Variants in CSMD1 observed in about 807,000 individuals in gnomAD.
The protein encoded by CSMD1 is CUB and Sushi multiple domains 1.
In CSMD1, 213 loss-of-function variants were observed where a neutral mutation model predicts 417.5. The observed-to-expected ratio is 0.51, with a 90% CI of 0.46 to 0.57. The LOEUF is 0.57. Ranked by LOEUF, CSMD1 falls within the 20% of genes least tolerant of loss-of-function variation. CSMD1 has a pLI of 0.00. For synonymous variants in CSMD1, 2,862 were observed against 1,736.8 expected, an observed-to-expected ratio of 1.65 and a Z score of -16.11; for missense variants, 6,923 against 4,529.7, an observed-to-expected ratio of 1.53 and a Z score of -15.17.
At chr8:4,757,379 A>T (rs1028223218) in intron 1 of CSMD1, among the ~76,000 whole-genome samples, 3 of 152,190 alleles carry the variant, frequency 2.0e-5, no homozygotes, top group Non-Finnish European at 2.9e-5. Flanking sequence ...AGATGATTCA[A>T]TATACACAAA....
At chr8:4,101,570 T>G (rs954295481) in intron 3 of CSMD1, among the ~76,000 whole-genome samples, 3 of 152,170 alleles carry the variant, frequency 2.0e-5, no homozygotes, top group African/African-American at 7.2e-5. Flanking sequence ...GTTTCTTAAT[T>G]TTACAGAAGT....
At chr8:4,434,385 G>C (rs1798036345) in intron 2 of CSMD1, among the ~76,000 whole-genome samples, 1 of 152,110 alleles carries the variant, frequency 6.6e-6, no homozygotes, top group Non-Finnish European at 1.5e-5. Context: ...CTGGATCTAA[G>C]AACACTAAAT....
intron 3 of CSMD1, among the ~76,000 whole-genome samples, chr8:4,401,077 G>A (rs1804615733): frequency 6.6e-6 from 1 of 152,098 alleles, no homozygotes; most frequent in Non-Finnish European, 1.5e-5. Context: ...TTAAGAAAAT[G>A]AGTTTTTACA....
intron 18 of CSMD1, among the ~76,000 whole-genome samples, chr8:3,385,288 T>A (rs1393889352): frequency 6.7e-6 from 1 of 150,068 alleles, no homozygotes; most frequent in Non-Finnish European, 1.5e-5. Flanking sequence ...TGTATGTATG[T>A]ATATAGGCCT....
At chr8:3,580,287 G>C (rs1375635091) in intron 9 of CSMD1, among the ~76,000 whole-genome samples, 1 of 152,098 alleles carries the variant, frequency 6.6e-6, no homozygotes, top group Non-Finnish European at 1.5e-5. Flanking sequence ...GCAGATAAAA[G>C]ATTTGTAAAG....
chr8:4,517,682 TAATC>T (rs1241295440), intron 2 of CSMD1, among the ~76,000 whole-genome samples: 1 of 152,250 alleles, frequency 6.6e-6, no homozygotes. Flanking sequence ...TATATGTTAA[TAATC>T]AAACACTCAA....
intron 25 of CSMD1, chr8:3,284,788 G>T: frequency 6.1e-6 from 1 of 165,042 alleles, no homozygotes; most frequent in South Asian, 1.6e-4. Context: ...CACAGCAGGA[G>T]AAAAGAGCTT....
chr8:3,295,468 A>G (rs1051541022), intron 25 of CSMD1, among the ~76,000 whole-genome samples: 1 of 152,130 alleles, frequency 6.6e-6, no homozygotes, highest in Admixed American at 6.6e-5. Context: ...CGTTATACTG[A>G]AAAAAAGGTA....
At chr8:4,889,555 T>C (rs906974828) in intron 1 of CSMD1, among the ~76,000 whole-genome samples, 4 of 152,084 alleles carry the variant, frequency 2.6e-5, no homozygotes, top group Non-Finnish European at 5.9e-5. Flanking sequence ...CAATTCTTGT[T>C]ATTTTTAAAC....
intron 51 of CSMD1, among the ~76,000 whole-genome samples, chr8:3,024,778 A>T (rs1809729556): frequency 6.6e-6 from 1 of 152,236 alleles, no homozygotes; most frequent in Non-Finnish European, 1.5e-5. Flanking sequence ...TGTCCCAAGT[A>T]AATAAAATCA....
At chr8:4,932,656 G>T (rs1807323390) in intron 1 of CSMD1, among the ~76,000 whole-genome samples, 1 of 152,156 alleles carries the variant, frequency 6.6e-6, no homozygotes, top group African/African-American at 2.4e-5. Flanking sequence ...AGGACAAATT[G>T]GTAAAGGCTG....
intron 3 of CSMD1, among the ~76,000 whole-genome samples, chr8:4,125,633 T>C (rs1318944013): frequency 1.3e-5 from 2 of 152,194 alleles, no homozygotes; most frequent in East Asian, 3.9e-4. Flanking sequence ...GTGACAGAAA[T>C]CAGACCTAAC....
At chr8:3,421,901 G>C (rs967014217) in intron 12 of CSMD1, among the ~76,000 whole-genome samples, 3 of 145,772 alleles carry the variant, frequency 2.1e-5, no homozygotes, top group Non-Finnish European at 4.4e-5. Context: ...GCCGCCCAAA[G>C]TGCTGGGATT....
chr8:4,975,393 G>T (rs563272576), intron 1 of CSMD1, among the ~76,000 whole-genome samples: 3 of 152,184 alleles, frequency 2.0e-5, no homozygotes, highest in East Asian at 1.9e-4. Context: ...TTACTTCCTG[G>T]CTGTAAGCGG....
At chr8:4,908,189 T>G (rs1460938590) in intron 1 of CSMD1, among the ~76,000 whole-genome samples, 1 of 152,210 alleles carries the variant, frequency 6.6e-6, no homozygotes, top group Non-Finnish European at 1.5e-5. Flanking sequence ...TGCTCCATTC[T>G]CTTCTTGTTT....
intron 2 of CSMD1, among the ~76,000 whole-genome samples, chr8:4,519,879 G>T (rs1489778119): frequency 6.6e-6 from 1 of 150,538 alleles, no homozygotes; most frequent in Non-Finnish European, 1.5e-5. Context: ...GGTTCATGAG[G>T]AAGTGAATTC....
intron 7 of CSMD1, among the ~76,000 whole-genome samples, chr8:3,664,636 C>T (rs1472616856): frequency 3.3e-5 from 5 of 152,190 alleles, no homozygotes; most frequent in Non-Finnish European, 7.3e-5. Flanking sequence ...TCAAAGGCTC[C>T]GCCAAGATCA....
chr8:4,674,763 G>A (rs190228505), intron 1 of CSMD1, among the ~76,000 whole-genome samples: 2 of 152,156 alleles, frequency 1.3e-5, no homozygotes, highest in African/African-American at 4.8e-5. Flanking sequence ...TAGAGTATCA[G>A]CATGCTATAG....
intron 26 of CSMD1, among the ~76,000 whole-genome samples, chr8:3,267,719 T>C (rs555953144): frequency 6.6e-6 from 1 of 152,132 alleles, no homozygotes; most frequent in Non-Finnish European, 1.5e-5. Context: ...ATCTGATGTT[T>C]TGGGTTACCC....
Sources: allele counts gnomAD v4.1 joint callset (sites outside exome capture counted in the v4.1 genomes callset), GRCh38; gene constraint gnomAD v4.1.1; transcripts MANE v1.5; gene names NCBI Gene and HGNC (gene_info 2026-07-23, HGNC 2026-07-21).